Variants in PRPF8 observed in about 807,000 individuals in gnomAD.
PRPF8 encodes the protein pre-mRNA processing factor 8.
PRPF8 carries 64 observed loss-of-function variants against 285.9 expected under a neutral mutation model. The ratio of observed to expected loss-of-function variants is 0.22; its 90% CI spans 0.18 to 0.28. The LOEUF (loss-of-function observed/expected upper bound fraction) is 0.28, where lower values mean the gene tolerates loss of function less well. Ranked by LOEUF, PRPF8 falls within the 10% of genes least tolerant of loss-of-function variation. The pLI, the probability that PRPF8 is intolerant of heterozygous loss-of-function variation, is 1.00. For synonymous variants in PRPF8, 1,325 were observed against 1,118.2 expected, an observed-to-expected ratio of 1.18 and a Z score of -3.69; for missense variants, 1,426 against 3,026.7, an observed-to-expected ratio of 0.47 and a Z score of 12.41.
intron 34 of PRPF8, among the ~76,000 whole-genome samples, chr17:1,657,444 G>C (rs1408815014): frequency 6.6e-6 from 1 of 152,186 alleles, no homozygotes; most frequent in East Asian, 1.9e-4. Context: ...AGGAGATTGA[G>C]ACCATCCTGG....
intron 2 of PRPF8, 94 bp downstream of exon 2, chr17:1,684,378 G>C (rs1182376400): frequency 2.4e-6 from 3 of 1,244,362 alleles, no homozygotes; most frequent in Non-Finnish European, 3.5e-6. Context: ...TGACACCTCA[G>C]GAGCTGCCCA....
chr17:1,674,435 C>A lies in PRPF8; in HGVS notation c.3299+7G>T, dbSNP rs753425294. ...CTGCAAGGCTAGGAATCCAGGAAAG[C>A]CCTCACCTGAAAAAAATATGGATGC... On this transcript the variant is annotated splice_region_variant and intron_variant, in intron 21 of 42. Coordinates refer to ENST00000304992, the MANE Select transcript of PRPF8 (RefSeq NM_006445.4). 5 of 1,613,078 alleles carry A rather than the reference C, an allele frequency of 3.1e-6. No homozygotes were observed. The Admixed American group carries it at 8.3e-5, about 27-fold the overall frequency.
chr17:1,672,440 C>T (rs142691882), intron 24 of PRPF8, among the ~76,000 whole-genome samples: 10 of 152,184 alleles, frequency 6.6e-5, no homozygotes, highest in Non-Finnish European at 1.5e-4. Context: ...CCACCAGGCC[C>T]GGTTAATTTT....
chr17:1,682,066 T>C lies in PRPF8; in HGVS notation c.435-28A>G, dbSNP rs747225652. The stretch of plus-strand genomic sequence containing the variant: ...GGAAGGCAAGACATCACACAACCAT[T>C]TCTACCCACTGCCTCCCAACCACCA... On this transcript the variant is annotated intron_variant, in intron 4 of 42. Coordinates refer to ENST00000304992, the MANE Select transcript of PRPF8 (RefSeq NM_006445.4). The C allele has an allele frequency of 5.0e-6, 8 of 1,613,342 alleles. No individual in the cohort carries two copies. The East Asian group carries it at 1.8e-4, about 36-fold the overall frequency.
In PRPF8 at chr17:1,676,422, A is replaced by C. The variant is rs1230047520; in HGVS notation, c.2389-52T>G. On this transcript the variant is annotated intron_variant, in intron 16 of 42. Coordinates refer to ENST00000304992, the MANE Select transcript of PRPF8 (RefSeq NM_006445.4). The surrounding 1 kb of genome is among the most constrained non-coding windows in gnomAD (Gnocchi z 6.3). ...CCCGCTACAGCCCGATCCTGCCAGA[A>C]CAAGGTTCAGTCACAACTCTACAGT... 3.7e-6 allele frequency: 6 copies of C among 1,614,012 alleles called. No individual in the cohort carries two copies. Among genetic ancestry groups the C allele is most frequent in the Non-Finnish European group, 5.1e-6 (6 of 1,180,004 alleles).
chr17:1,682,708 A>G (rs1913001844), intron 3 of PRPF8, among the ~76,000 whole-genome samples: 2 of 152,202 alleles, frequency 1.3e-5, no homozygotes, highest in Non-Finnish European at 1.5e-5. Context: ...GCTCGCTACT[A>G]TATCCCCAGC....
intron 11 of PRPF8, 43 bp downstream of exon 11, chr17:1,678,974 C>G (rs752190025): frequency 6.2e-7 from 1 of 1,613,652 alleles, no homozygotes. Context: ...AACAACTGTC[C>G]GTCCTTGAAG....
At chr17:1,666,322 G>A (rs1193670482) in intron 24 of PRPF8, among the ~76,000 whole-genome samples, 1 of 152,098 alleles carries the variant, frequency 6.6e-6, no homozygotes, top group Non-Finnish European at 1.5e-5. Flanking sequence ...GCCCAGGGGG[G>A]TGGATTACCT....
In PRPF8 at chr17:1,679,244, GAT is replaced by G; in HGVS notation, c.1410-40_1410-39del. 6.2e-7 allele frequency: 1 copy of G among 1,614,200 alleles called. No homozygotes were observed. The highest frequency in any genetic ancestry group is 8.5e-7 in the Non-Finnish European group (1 of 1,180,044). ...CATGGAGAGTAAGAGTCAGCCTACTGATATCTCTGGAACAGAAGTCTGCGCAG... is the reference window on the plus strand; with the variant it reads ...CATGGAGAGTAAGAGTCAGCCTACTGATCTCTGGAACAGAAGTCTGCGCAG... On this transcript the variant is annotated intron_variant, in intron 10 of 42. Coordinates refer to ENST00000304992, the MANE Select transcript of PRPF8 (RefSeq NM_006445.4). The surrounding 1 kb of genome is among the most constrained non-coding windows in gnomAD (Gnocchi z 4.7).
At position 1,653,419 on chromosome 17, in the gene PRPF8, G is replaced by C; in HGVS notation, c.6369+123C>G. ...CCACCTCGTTGTTTTGGCTATCCTT[G>C]TATAATTACTCATCCATGAATCTTG... On this transcript the variant is annotated intron_variant, in intron 39 of 42. Coordinates refer to ENST00000304992, the MANE Select transcript of PRPF8 (RefSeq NM_006445.4). This position sits in a 1 kb window ranked among gnomAD's most constrained non-coding sequence, Gnocchi z 4.9. 1 of 1,379,216 alleles carries C rather than the reference G, an allele frequency of 7.3e-7. No homozygotes were observed. Among genetic ancestry groups the C allele is most frequent in the Non-Finnish European group, 1.0e-6 (1 of 979,580 alleles). 85.4% of individuals were successfully genotyped at this position (1,379,216 alleles called of 1,614,324 possible). A position where few individuals can be genotyped will look rare whatever the true frequency, so the allele number is the denominator to read the frequency against.
At chr17:1,682,990 A>C in intron 3 of PRPF8, 1 of 173,636 alleles carries the variant, frequency 5.8e-6, no homozygotes, top group South Asian at 9.8e-5. Flanking sequence ...GGGACATCTT[A>C]TTTTTCATTT....
At position 1,651,622 on chromosome 17, in the gene PRPF8, T is replaced by C; in HGVS notation, c.6510+26A>G. ...AGGAATCGCACCAGCTTTTCCACACTCCCAGGCTCCATCACTCCCCATTAC... is the reference window on the plus strand; with the variant it reads ...AGGAATCGCACCAGCTTTTCCACACCCCCAGGCTCCATCACTCCCCATTAC... On this transcript the variant is annotated intron_variant, in intron 40 of 42. Transcript: ENST00000304992. The surrounding 1 kb of genome is among the most constrained non-coding windows in gnomAD (Gnocchi z 5.1). 1.9e-6 allele frequency: 3 copies of C among 1,613,980 alleles called. No homozygotes were observed. Among genetic ancestry groups the C allele is most frequent in the Non-Finnish European group, 2.5e-6 (3 of 1,179,976 alleles).
At chr17:1,655,323 G>C in intron 37 of PRPF8, 27 bp downstream of exon 37, 1 of 1,611,842 alleles carries the variant, frequency 6.2e-7, no homozygotes, top group South Asian at 1.1e-5. Flanking sequence ...TAGACCTCCT[G>C]TCTGTGTCCC....
In PRPF8 at chr17:1,661,848, C is replaced by T. The variant is rs1911690948; in HGVS notation, c.4022+58G>A. The T allele has an allele frequency of 1.2e-6, 2 of 1,614,130 alleles. No individual in the cohort carries two copies. Among genetic ancestry groups the T allele is most frequent in the African/African-American group, 2.7e-5 (2 of 75,036 alleles). On this transcript the variant is annotated intron_variant, in intron 25 of 42. Coordinates refer to ENST00000304992, the MANE Select transcript of PRPF8 (RefSeq NM_006445.4). The surrounding 1 kb of genome is among the most constrained non-coding windows in gnomAD (Gnocchi z 7.3). ...AATAAAGCCTAAAACTAAAGAAATA[C>T]CCACTTCCCTTAGGGCCTGAGCAAT...
In PRPF8 at chr17:1,661,796, T is replaced by C. The variant is rs778110319; in HGVS notation, c.4023-6A>G. 1 of 1,614,212 alleles carries C rather than the reference T, an allele frequency of 6.2e-7. No individual in the cohort carries two copies. ...CATCTGTCTGTTTGGACCACCTGTT[T>C]GGGTGTACAACCAAGATTACAGAAA... On this transcript the variant is annotated splice_region_variant and splice_polypyrimidine_tract_variant and intron_variant, in intron 25 of 42. Transcript: ENST00000304992. This position sits in a 1 kb window ranked among gnomAD's most constrained non-coding sequence, Gnocchi z 7.3.
chr17:1,676,398 C>T lies in PRPF8; in HGVS notation c.2389-28G>A. The T allele has an allele frequency of 6.2e-7, 1 of 1,614,090 alleles. No individual in the cohort carries two copies. Among genetic ancestry groups the T allele is most frequent in the Non-Finnish European group, 8.5e-7 (1 of 1,180,030 alleles). On this transcript the variant is annotated intron_variant, in intron 16 of 42. Coordinates refer to ENST00000304992, the MANE Select transcript of PRPF8 (RefSeq NM_006445.4). This position sits in a 1 kb window ranked among gnomAD's most constrained non-coding sequence, Gnocchi z 6.3. ...GTAAGGTGGACATGAAATTAGCCTC[C>T]CGCTACAGCCCGATCCTGCCAGAAC...
Position 1,651,801 on chromosome 17 carries a change from G to A in PRPF8, c.6370-13C>T. ...GGTATCCTGCAATCTGGAGACAAAG[G>A]GGTCAGGAACCAAAACTCTTCTTAG... On this transcript the variant is annotated splice_polypyrimidine_tract_variant and intron_variant, in intron 39 of 42. Transcript: ENST00000304992. The surrounding 1 kb of genome is among the most constrained non-coding windows in gnomAD (Gnocchi z 5.1). 1 of 1,613,958 alleles carries A rather than the reference G, an allele frequency of 6.2e-7. No homozygotes were observed. The highest frequency in any genetic ancestry group is 8.5e-7 in the Non-Finnish European group (1 of 1,179,946).
chr17:1,673,977 C>T lies in PRPF8; in HGVS notation c.3300-85G>A, dbSNP rs1912469415. 2.0e-6 allele frequency: 3 copies of T among 1,499,456 alleles called. No individual in the cohort carries two copies. The highest frequency in any genetic ancestry group is 2.3e-5 in the South Asian group (2 of 88,832). 92.9% of individuals were successfully genotyped at this position (1,499,456 alleles called of 1,614,324 possible). A position where few individuals can be genotyped will look rare whatever the true frequency, so the allele number is the denominator to read the frequency against. ...AGTCCTCCAGCTCAATAGACGGAGA[C>T]CCCACCCCATCCTACCCCCACCCTC... On this transcript the variant is annotated intron_variant, in intron 21 of 42. Coordinates refer to ENST00000304992, the MANE Select transcript of PRPF8 (RefSeq NM_006445.4). This position sits in a 1 kb window ranked among gnomAD's most constrained non-coding sequence, Gnocchi z 5.5.
In PRPF8 at chr17:1,674,041, T is replaced by A. The variant is rs1422001032; in HGVS notation, c.3300-149A>T. 4 of 969,616 alleles carry A rather than the reference T, an allele frequency of 4.1e-6. No individual in the cohort carries two copies. In the African/African-American group the frequency reaches 4.9e-5, roughly 12 times the overall value. 60.1% of individuals were successfully genotyped at this position (969,616 alleles called of 1,614,324 possible). ...CCATTTTATTTTTATTTATTTATTT[T>A]TTGAGACAGTCTCGCTCTTTCCCCA... On this transcript the variant is annotated intron_variant, in intron 21 of 42. Coordinates refer to ENST00000304992, the MANE Select transcript of PRPF8 (RefSeq NM_006445.4).
Sources: allele counts gnomAD v4.1 joint callset (sites outside exome capture counted in the v4.1 genomes callset), GRCh38; gene constraint gnomAD v4.1.1; non-coding constraint Gnocchi (gnomAD v3.1); transcripts MANE v1.5; gene names NCBI Gene and HGNC (gene_info 2026-07-23, HGNC 2026-07-21).